SLC28A1: variants seen among roughly 807,000 people sequenced by gnomAD.
SLC28A1 encodes the protein sodium/nucleoside cotransporter 1.
SLC28A1 carries 64 observed loss-of-function variants against 74.8 expected under a neutral mutation model. The ratio of observed to expected loss-of-function variants is 0.86; its 90% CI spans 0.70 to 1.05. SLC28A1 has a LOEUF of 1.05. Ranked by LOEUF, SLC28A1 falls within the 50% of genes least tolerant of loss-of-function variation. The probability of loss-of-function intolerance (pLI) is 0.00; values close to 1 mark genes in which losing one functional copy is unlikely to be tolerated. For synonymous variants in SLC28A1, 359 were observed against 335.0 expected (o/e 1.07, Z -0.78); for missense variants, 828 against 822.8 (o/e 1.01, Z -0.08).
chr15:84,944,920 G>A (rs912824382), intron 18 of SLC28A1, 53 bp downstream of exon 18: 1 of 1,327,918 alleles, frequency 7.5e-7, no homozygotes, highest in African/African-American at 1.4e-5. Context: ...TAGACAGAAT[G>A]CCTGAGCGCT....
rs962997254 is a variant in SLC28A1, at chr15:84,920,915, T to C, written c.877-74T>C. ...GGAGTTGGGAGGAAACTGTGTAAGG[T>C]CTTCCACTCCAGCCCCCTCTGACTC... On this transcript the variant is annotated intron_variant, in intron 10 of 18. Coordinates refer to ENST00000394573, the MANE Select transcript of SLC28A1 (RefSeq NM_004213.5). The C allele has an allele frequency of 2.7e-5, 31 of 1,148,864 alleles. No homozygotes were observed. The African/African-American group carries it at 3.2e-4, about 12-fold the overall frequency. 71.2% of individuals were successfully genotyped at this position (1,148,864 alleles called of 1,614,324 possible). A position where few individuals can be genotyped will look rare whatever the true frequency, so the allele number is the denominator to read the frequency against.
At chr15:84,916,240 C>CAGGTGTGAGCCACCATGCCTGGCCCT (rs1555449976) in intron 9 of SLC28A1, among the ~76,000 whole-genome samples, 1 of 98,424 alleles carries the variant, frequency 1.0e-5, no homozygotes, top group Non-Finnish European at 1.9e-5. Context: ...GCTGGGATTA[C>CAGGTGTGAGCCACCATGCCTGGCCCT]TTTTTTTTTT....
chr15:84,915,049 G>A (rs1260866574), intron 9 of SLC28A1, among the ~76,000 whole-genome samples: 2 of 152,138 alleles, frequency 1.3e-5, no homozygotes, highest in East Asian at 3.9e-4. Context: ...AGGCCTGCTA[G>A]CTGCCCTGCA....
At position 84,933,219 on chromosome 15, in the gene SLC28A1, C is replaced by G; in HGVS notation, c.1158C>G (p.Tyr386Ter). ...PCALALSKLV[Y>*]PEVEESKFRR... The stretch of plus-strand genomic sequence containing the variant: ...CCTTGGCCCTCTCCAAGCTGGTCTA[C>G]CCGGAGGTGGAGGAGTCCAAGTTTA... Residue 386 changes from tyrosine to a stop codon, truncating the protein, a stop_gained, in exon 13 of 19, where the codon TAC becomes TAG. Transcript: ENST00000394573. LOFTEE classifies it high-confidence loss of function. The G allele has an allele frequency of 1.2e-6, 2 of 1,613,798 alleles. No homozygotes were observed. Among genetic ancestry groups the G allele is most frequent in the Admixed American group, 3.3e-5 (2 of 60,006 alleles).
intron 3 of SLC28A1, 91 bp downstream of exon 3, chr15:84,887,947 T>G: frequency 1.1e-6 from 1 of 893,532 alleles, no homozygotes; most frequent in East Asian, 2.4e-5. Flanking sequence ...GCTCACCACC[T>G]TCCCTCATAC....
the SLC28A1 span, among the ~76,000 whole-genome samples, chr15:84,965,756 G>A: frequency 6.6e-6 from 1 of 152,134 alleles, no homozygotes; most frequent in Non-Finnish European, 1.5e-5. Flanking sequence ...TCCTGGGCAA[G>A]CCAGGATAGT....
chr15:84,951,308 G>T, the SLC28A1 span, among the ~76,000 whole-genome samples: 1 of 151,988 alleles, frequency 6.6e-6, no homozygotes, highest in African/African-American at 2.4e-5. Context: ...ATGGTGGTGG[G>T]CACCTGTAGT....
At chr15:84,910,865 A>G (rs1310413889) in intron 9 of SLC28A1, among the ~76,000 whole-genome samples, 1 of 152,158 alleles carries the variant, frequency 6.6e-6, no homozygotes, top group Non-Finnish European at 1.5e-5. Flanking sequence ...CTAATAAGAG[A>G]CCGTGAGGGA....
chr15:84,912,842 ACACAC>A lies in SLC28A1; in HGVS notation c.795+4048_795+4052del, dbSNP rs1567151209. Among the ~76,000 whole-genome samples, 125 of 129,208 alleles carry A rather than the reference ACACAC, an allele frequency of 9.7e-4. No homozygotes were observed. In the East Asian group the frequency reaches 9.7e-3, roughly 10 times the overall value. 84.8% of individuals were successfully genotyped at this position (129,208 alleles called of 152,430 possible). A position where few individuals can be genotyped will look rare whatever the true frequency, so the allele number is the denominator to read the frequency against. On this transcript the variant is annotated intron_variant, in intron 9 of 18. Coordinates refer to ENST00000394573, the MANE Select transcript of SLC28A1 (RefSeq NM_004213.5). ...CACACACACACACACACACACACAC[ACACAC>A]AGATCAAATAAGGACCAAAAGGTAT...
rs1366434638 is a variant in SLC28A1, at chr15:84,926,211, T to G, written c.1083+2101T>G. ...CACATGACACCAACATGTATTTATA[T>G]AGAGAGAGACAGAGTTTCCCTCTGT... On this transcript the variant is annotated intron_variant, in intron 12 of 18. Transcript: ENST00000394573. Among the ~76,000 whole-genome samples the G allele has an allele frequency of 2.6e-5, 4 of 151,882 alleles. 1 individual carries two copies. The East Asian group carries it at 7.7e-4, about 29-fold the overall frequency.
At chr15:84,908,566 T>C (rs2141822055) in intron 8 of SLC28A1, 152 bp from the exon 9 acceptor site, 1 of 705,230 alleles carries the variant, frequency 1.4e-6, no homozygotes, top group Non-Finnish European at 2.6e-6. Flanking sequence ...ACAGCAGCTT[T>C]AACGCACCTT....
rs745637272 is a variant in SLC28A1, at chr15:84,894,935, C to T, written c.278-5C>T. The T allele has an allele frequency of 1.7e-5, 27 of 1,614,070 alleles. No individual in the cohort carries two copies. The South Asian group carries it at 3.0e-4, about 18-fold the overall frequency. On this transcript the variant is annotated splice_polypyrimidine_tract_variant and splice_region_variant and intron_variant, in intron 5 of 18. Coordinates refer to ENST00000394573, the MANE Select transcript of SLC28A1 (RefSeq NM_004213.5). ...TGTTGACCCCTCCTCTGTCTCATCC[C>T]CCAGGGCTCTCTGCCTTCCTGCTGG...
rs188013058 is a variant in SLC28A1 at position 84,916,636 on chromosome 15, C to T, written c.796-1888C>T. On this transcript the variant is annotated intron_variant, in intron 9 of 18. Coordinates refer to ENST00000394573, the MANE Select transcript of SLC28A1 (RefSeq NM_004213.5). ...ATCCAGCTGCCCACTTGGTATTCCACAGGCATCTCAAATTCAAAGTTCAAA... is the reference window on the plus strand; with the variant it reads ...ATCCAGCTGCCCACTTGGTATTCCATAGGCATCTCAAATTCAAAGTTCAAA... Among the ~76,000 whole-genome samples, 576 of 152,294 alleles carry T rather than the reference C, an allele frequency of 3.8e-3. 4 individuals are homozygous for T. The highest frequency in any genetic ancestry group is 0.012 in the African/African-American group (514 of 41,556).
intron 11 of SLC28A1, among the ~76,000 whole-genome samples, chr15:84,922,829 C>T (rs1335931549): frequency 6.6e-6 from 1 of 152,236 alleles, no homozygotes; most frequent in African/African-American, 2.4e-5. Flanking sequence ...CTGCTATTCG[C>T]TTGCCTGGAA....
intron 9 of SLC28A1, among the ~76,000 whole-genome samples, chr15:84,911,728 G>A (rs12909213): frequency 0.11 from 16,441 of 151,740 alleles, 1,145 homozygotes; most frequent in Non-Finnish European, 0.14. Context: ...GCATGGTGGC[G>A]GGCGCTTGTA....
At chr15:84,908,372 T>G (rs931107721) in intron 8 of SLC28A1, among the ~76,000 whole-genome samples, 1 of 151,866 alleles carries the variant, frequency 6.6e-6, no homozygotes, top group Admixed American at 6.6e-5. Flanking sequence ...TTAGCAGATA[T>G]GGGGTTTCAC....
At position 84,887,794 on chromosome 15, in the gene SLC28A1, A is replaced by ATC. The variant is rs772309332; in HGVS notation, c.41_42dup (p.Thr15SerfsTer29). On this transcript the variant is annotated frameshift_variant, in exon 3 of 19. Coordinates refer to ENST00000394573, the MANE Select transcript of SLC28A1 (RefSeq NM_004213.5). LOFTEE classifies it high-confidence loss of function. ...CGACCCCTCGAGACGAAGAGAGTCC[A>ATC]TCTCTCTCACACCTGTGGCCAAGGG... is the stretch of plus-strand genomic sequence containing the variant. 6.2e-7 allele frequency: 1 copy of ATC among 1,613,920 alleles called. No homozygotes were observed. The highest frequency in any genetic ancestry group is 1.3e-5 in the African/African-American group (1 of 74,906).
chr15:84,944,506 G>A (rs1410531611), intron 16 of SLC28A1, 60 bp from the exon 17 acceptor site: 90 of 1,185,736 alleles, frequency 7.6e-5, no homozygotes, highest in Admixed American at 1.5e-4. Flanking sequence ...CCCGAGCTGC[G>A]GAACGCGGGC....
chr15:84,971,362 C>G, the SLC28A1 span, among the ~76,000 whole-genome samples: 1 of 152,204 alleles, frequency 6.6e-6, no homozygotes, highest in South Asian at 2.1e-4. Context: ...GTTTTAGTCA[C>G]AGGGAAAGAT....
Sources: gnomAD v4.1 joint callset for allele counts (sites outside exome capture counted in the v4.1 genomes callset) on GRCh38, gnomAD v4.1.1 for gene constraint, MANE v1.5 for transcripts, NCBI Gene and HGNC (gene_info 2026-07-23, HGNC 2026-07-21) for gene names.